The following PAPOLA variants were observed in gnomAD, a reference collection of about 807,000 sequenced individuals.
PAPOLA encodes the protein polynucleotide adenylyltransferase alpha.
In PAPOLA, 15 loss-of-function variants were observed where a neutral mutation model predicts 100.6. The ratio of observed to expected loss-of-function variants is 0.15; its 90% CI spans 0.10 to 0.23. The LOEUF (loss-of-function observed/expected upper bound fraction) is 0.23, where lower values mean the gene tolerates loss of function less well. PAPOLA is among the 10% of genes least tolerant of loss of function. The pLI, the probability that PAPOLA is intolerant of heterozygous loss-of-function variation, is 1.00. For synonymous variants in PAPOLA, 293 were observed against 300.0 expected (o/e 0.98, Z 0.24); for missense variants, 533 against 884.2 (o/e 0.60, Z 5.04).
chr14:96,508,975 A>G (rs1235046344), intron 1 of PAPOLA, among the ~76,000 whole-genome samples: 1 of 152,236 alleles, frequency 6.6e-6, no homozygotes, highest in Non-Finnish European at 1.5e-5. Context: ...TTGTCATTCC[A>G]GTACACTATA....
At chr14:96,533,183 TTTC>T (rs1463440833) in intron 9 of PAPOLA, 1 of 983,996 alleles carries the variant, frequency 1.0e-6, no homozygotes, top group Non-Finnish European at 1.2e-6. Context: ...TTTTTTTAAG[TTTC>T]TTCGTTTCAT....
chr14:96,559,489 T>C (rs951522386), intron 19 of PAPOLA, among the ~76,000 whole-genome samples: 1 of 150,982 alleles, frequency 6.6e-6, no homozygotes, highest in African/African-American at 2.4e-5. Flanking sequence ...TAAATATAAA[T>C]GGTAATGTAA....
chr14:96,513,929 C>T (rs962727814), intron 1 of PAPOLA, among the ~76,000 whole-genome samples: 1 of 152,120 alleles, frequency 6.6e-6, no homozygotes, highest in Non-Finnish European at 1.5e-5. Flanking sequence ...TCTTGCTTGA[C>T]TAAGGCTCTG....
In PAPOLA at chr14:96,527,476, A is replaced by C. The variant is rs766333871; in HGVS notation, c.378A>C (p.Arg126=). The part of the protein sequence containing the change: ...ALCVAPRHVD[R]SDFFTSFYDK... Reference sequence around the variant, plus strand: ...GTGTTGCACCAAGACATGTTGATCGAAGTGACTTTTTCACCTCATTCTATG... The same window carrying C: ...GTGTTGCACCAAGACATGTTGATCGCAGTGACTTTTTCACCTCATTCTATG... The change falls in exon 5 of 22, where the codon CGA becomes CGC. Residue 126 remains arginine (R), a synonymous_variant. Transcript: ENST00000216277. 17 of 1,613,240 alleles carry C rather than the reference A, an allele frequency of 1.1e-5. 1 individual carries two copies. The South Asian group carries it at 1.9e-4, about 18-fold the overall frequency.
chr14:96,525,238 C>A (rs1898361500), intron 3 of PAPOLA, 72 bp from the exon 4 acceptor site: 3 of 740,118 alleles, frequency 4.1e-6, no homozygotes, highest in Non-Finnish European at 7.3e-6. Context: ...CACTCCCTCA[C>A]CCCAGTATAG....
At chr14:96,530,322 C>A (rs1438987375) in intron 6 of PAPOLA, among the ~76,000 whole-genome samples, 1 of 151,798 alleles carries the variant, frequency 6.6e-6, no homozygotes, top group Non-Finnish European at 1.5e-5. Flanking sequence ...TGTGATTAAA[C>A]TGACAACCAG....
intron 21 of PAPOLA, 112 bp from the exon 22 acceptor site, chr14:96,564,843 G>T: frequency 3.1e-6 from 2 of 639,716 alleles, no homozygotes; most frequent in South Asian, 2.1e-5. Flanking sequence ...TTTTAAATTT[G>T]TAATACTTTT....
chr14:96,542,807 G>T lies in PAPOLA; in HGVS notation c.1203G>T (p.Leu401=). ...TGGTGGAATCAAAAATCCGAATCCTGGTTGGAAGCTTGGAGAAGAATGAAT... is the reference window on the plus strand; with the variant it reads ...TGGTGGAATCAAAAATCCGAATCCTTGTTGGAAGCTTGGAGAAGAATGAAT... ...VGLVESKIRI[L]VGSLEKNEFI... The change falls in exon 14 of 22, where the codon CTG becomes CTT. Residue 401 remains leucine (L), a synonymous_variant. Coordinates refer to ENST00000216277, the MANE Select transcript of PAPOLA (RefSeq NM_032632.5). The T allele has an allele frequency of 6.2e-7, 1 of 1,612,060 alleles. No individual in the cohort carries two copies. The highest frequency in any genetic ancestry group is 8.5e-7 in the Non-Finnish European group (1 of 1,179,372).
intron 11 of PAPOLA, 128 bp from the exon 12 acceptor site, chr14:96,536,848 G>T (rs555726949): frequency 1.6e-6 from 1 of 613,274 alleles, no homozygotes; most frequent in African/African-American, 1.9e-5. Flanking sequence ...AAAATCATAA[G>T]CTAAAACTAT....
intron 1 of PAPOLA, among the ~76,000 whole-genome samples, chr14:96,516,155 A>T (rs780169582): frequency 6.6e-6 from 1 of 152,184 alleles, no homozygotes; most frequent in Non-Finnish European, 1.5e-5. Flanking sequence ...ACAATATTTA[A>T]TGTTTCTACT....
chr14:96,529,694 C>T (rs1377655990), intron 6 of PAPOLA, among the ~76,000 whole-genome samples: 1 of 151,958 alleles, frequency 6.6e-6, no homozygotes, highest in Non-Finnish European at 1.5e-5. Context: ...TGCACTCCAG[C>T]CTGGGCGACA....
intron 1 of PAPOLA, 148 bp downstream of exon 1, chr14:96,502,748 T>C (rs552848921): frequency 6.3e-6 from 5 of 798,092 alleles, no homozygotes; most frequent in South Asian, 2.3e-5. Flanking sequence ...CCTTCCTGTT[T>C]CCTCGCTCGC....
intron 1 of PAPOLA, 62 bp from the exon 2 acceptor site, chr14:96,519,993 T>C (rs1265380910): frequency 7.4e-7 from 1 of 1,360,420 alleles, no homozygotes; most frequent in Admixed American, 2.1e-5. Context: ...TTTCTGGTCT[T>C]ACTGATTTGT....
At chr14:96,553,805 G>T (rs1366082825) in intron 17 of PAPOLA, among the ~76,000 whole-genome samples, 1 of 152,146 alleles carries the variant, frequency 6.6e-6, no homozygotes, top group East Asian at 1.9e-4. Context: ...GAGCCACCAC[G>T]CCCGGCCTGT....
At chr14:96,560,539 C>A in intron 19 of PAPOLA, 110 bp from the exon 20 acceptor site, 1 of 713,852 alleles carries the variant, frequency 1.4e-6, no homozygotes, top group Non-Finnish European at 2.4e-6. Flanking sequence ...TGTAGTTGAT[C>A]TTACAGGTTT....
intron 10 of PAPOLA, 54 bp downstream of exon 10, chr14:96,534,617 A>C: frequency 6.2e-7 from 1 of 1,612,736 alleles, no homozygotes; most frequent in Non-Finnish European, 8.5e-7. Context: ...AACAAGTAAA[A>C]ATCATCTGCA....
intron 2 of PAPOLA, 100 bp from the exon 3 acceptor site, chr14:96,520,906 C>T: frequency 7.0e-6 from 5 of 709,696 alleles, no homozygotes; most frequent in South Asian, 6.0e-5. Context: ...CTTCTGATTG[C>T]TTAAAAACTC....
chr14:96,513,094 C>T (rs954014384), intron 1 of PAPOLA, among the ~76,000 whole-genome samples: 5 of 152,048 alleles, frequency 3.3e-5, no homozygotes, highest in African/African-American at 1.2e-4. Flanking sequence ...GGATGGAGTC[C>T]CGCTTGTTGC....
chr14:96,545,242 A>G (rs1417765578), intron 15 of PAPOLA, among the ~76,000 whole-genome samples: 1 of 152,104 alleles, frequency 6.6e-6, no homozygotes. Context: ...AGTATCGTAC[A>G]CTAACTGTGA....
Sources: gnomAD v4.1 joint callset for allele counts (sites outside exome capture counted in the v4.1 genomes callset) on GRCh38, gnomAD v4.1.1 for gene constraint, MANE v1.5 for transcripts, NCBI Gene and HGNC (gene_info 2026-07-23, HGNC 2026-07-21) for gene names.